Variants in SREK1 observed in about 807,000 individuals in gnomAD.
SREK1 encodes splicing regulatory glutamine/lysine-rich protein 1.
In SREK1, 13 loss-of-function variants were observed where a neutral mutation model predicts 66.5. The ratio of observed to expected loss-of-function variants is 0.20; its 90% confidence interval spans 0.13 to 0.31. The LOEUF is 0.31. SREK1 is among the 10% of genes least tolerant of loss of function. The probability of loss-of-function intolerance (pLI) is 1.00; values close to 1 mark genes in which losing one functional copy is unlikely to be tolerated. For missense variants in SREK1, 607 were observed against 769.6 expected (o/e 0.79, Z 2.50); for synonymous variants, 265 against 263.5 (o/e 1.01, Z -0.05).
intron 1 of SREK1, among the ~76,000 whole-genome samples, chr5:66,151,814 T>G (rs1187840463): frequency 1.3e-5 from 2 of 149,896 alleles, no homozygotes; most frequent in Non-Finnish European, 3.0e-5. Flanking sequence ...AGAAGTGAGT[T>G]GGATGCTAAG....
At chr5:66,147,778 CT>C (rs1352654976) in intron 1 of SREK1, among the ~76,000 whole-genome samples, 1 of 152,154 alleles carries the variant, frequency 6.6e-6, no homozygotes, top group Non-Finnish European at 1.5e-5. Flanking sequence ...CCCTGTAGTC[CT>C]TTTCACATGC....
chr5:66,171,014 G>A (rs911872706), intron 9 of SREK1, 67 bp downstream of exon 9: 36 of 1,530,200 alleles, frequency 2.4e-5, no homozygotes, highest in Admixed American at 1.3e-4. Context: ...AATTTTTTAC[G>A]GAGGGAGAAA....
intron 1 of SREK1, among the ~76,000 whole-genome samples, chr5:66,145,778 T>C (rs187459760): frequency 1.7e-4 from 25 of 147,198 alleles, no homozygotes; most frequent in Non-Finnish European, 2.7e-4. Flanking sequence ...GCTTTTGATC[T>C]AGTATGTAAT....
At chr5:66,166,481 C>A (rs951319715) in intron 7 of SREK1, 1 of 149,382 alleles carries the variant, frequency 6.7e-6, no homozygotes, top group African/African-American at 2.5e-5. Flanking sequence ...CCTTTTTTTT[C>A]CCCCCCCAAG....
In SREK1 at chr5:66,162,682, G is replaced by C; in HGVS notation, c.755+90G>C. The C allele has an allele frequency of 4.8e-6, 6 of 1,256,502 alleles. No homozygotes were observed. The South Asian group carries it at 5.0e-5, about 11-fold the overall frequency. The allele number at this position is 1,256,502 out of a possible 1,614,324, so 77.8% of individuals were successfully genotyped here. ...GAAGGCTTTTTTTTTCTTTTTAATA[G>C]TAATTGGCAATTTGTGGAAAGGAAG... On this transcript the variant is annotated intron_variant, in intron 5 of 11. Transcript: ENST00000334121.
At chr5:66,162,737 GAGATACTT>G in intron 5 of SREK1, 145 bp downstream of exon 5, 1 of 663,640 alleles carries the variant, frequency 1.5e-6, no homozygotes, top group Non-Finnish European at 2.4e-6. Context: ...TGAAATACAT[GAGATACTT>G]ACCATTTTAG....
intron 1 of SREK1, among the ~76,000 whole-genome samples, chr5:66,149,692 C>G (rs1743595543): frequency 1.3e-5 from 2 of 152,202 alleles, no homozygotes. Flanking sequence ...AGATGACTGT[C>G]AGGCTCTTGA....
chr5:66,158,401 A>G (rs1447359597), intron 2 of SREK1: 1 of 153,562 alleles, frequency 6.5e-6, no homozygotes, highest in Non-Finnish European at 1.4e-5. Flanking sequence ...AAAGTTAATA[A>G]GAAGTTTTCT....
At chr5:66,167,060 A>G (rs1319200531) in intron 7 of SREK1, 5 of 152,146 alleles carry the variant, frequency 3.3e-5, no homozygotes, top group Non-Finnish European at 7.3e-5. Context: ...TAGACTTAGC[A>G]TGAGCGTGGG....
chr5:66,154,882 G>C (rs1039864965), intron 2 of SREK1, among the ~76,000 whole-genome samples: 2 of 152,078 alleles, frequency 1.3e-5, no homozygotes, highest in African/African-American at 4.8e-5. Context: ...GCTGGTGAAT[G>C]GTTTCGTTCT....
intron 7 of SREK1, chr5:66,166,949 C>T (rs1225384999): frequency 1.3e-5 from 2 of 152,122 alleles, no homozygotes; most frequent in Non-Finnish European, 2.9e-5. Flanking sequence ...CTGGAAGGAT[C>T]CCACTATCCC....
At chr5:66,150,702 A>T (rs1471231085) in intron 1 of SREK1, among the ~76,000 whole-genome samples, 1 of 152,198 alleles carries the variant, frequency 6.6e-6, no homozygotes, top group Admixed American at 6.5e-5. Flanking sequence ...ATGATGAAAA[A>T]ACTAATGTGA....
At chr5:66,176,004 T>C (rs1167816611) in intron 10 of SREK1, among the ~76,000 whole-genome samples, 1 of 152,190 alleles carries the variant, frequency 6.6e-6, no homozygotes, top group Non-Finnish European at 1.5e-5. Flanking sequence ...TAAAAGGCTT[T>C]TCCTATTCCA....
Position 66,181,173 on chromosome 5 carries a change from A to G in SREK1, c.*2305A>G, listed in dbSNP as rs1746454080. ...AAACACTGATTTGTAAAAACTAAGA[A>G]TGAGTAGGAATACAAGAGATCTGGA... is the stretch of plus-strand genomic sequence containing the variant. On this transcript the variant is annotated 3_prime_UTR_variant, in exon 12 of 12. Transcript: ENST00000334121. 1 of 152,246 alleles carries G rather than the reference A, an allele frequency of 6.6e-6. No individual in the cohort carries two copies. The highest frequency in any genetic ancestry group is 2.4e-5 in the African/African-American group (1 of 41,476). 9.4% of individuals were successfully genotyped at this position (152,246 alleles called of 1,614,324 possible). A position where few individuals can be genotyped will look rare whatever the true frequency, so the allele number is the denominator to read the frequency against.
intron 7 of SREK1, chr5:66,168,656 T>G (rs928086918): frequency 3.9e-5 from 6 of 152,238 alleles, no homozygotes; most frequent in African/African-American, 1.4e-4. Context: ...GGATTACAGG[T>G]GTGAGCCACT....
intron 2 of SREK1, chr5:66,155,981 T>C: frequency 5.2e-6 from 8 of 1,527,968 alleles, no homozygotes; most frequent in Non-Finnish European, 5.3e-6. Flanking sequence ...GTCATAACTT[T>C]ATGTCCACAT....
At chr5:66,144,612 C>A in intron 1 of SREK1, 75 bp downstream of exon 1, 2 of 1,472,454 alleles carry the variant, frequency 1.4e-6, no homozygotes, top group South Asian at 1.4e-5. Context: ...TGGAGGAGAG[C>A]GCGGACGCGG....
intron 1 of SREK1, among the ~76,000 whole-genome samples, chr5:66,149,812 G>C (rs1200238018): frequency 2.0e-5 from 3 of 152,088 alleles, no homozygotes; most frequent in Non-Finnish European, 4.4e-5. Flanking sequence ...TGTTACCCAA[G>C]GTACATCGAG....
chr5:66,151,880 CTG>C (rs1743857099), intron 1 of SREK1, among the ~76,000 whole-genome samples: 1 of 115,498 alleles, frequency 8.7e-6, no homozygotes, highest in African/African-American at 3.3e-5. Flanking sequence ...GAGTCTCGCT[CTG>C]TTGCCTAGGC....
Sources: allele counts gnomAD v4.1 joint callset (sites outside exome capture counted in the v4.1 genomes callset), GRCh38; gene constraint gnomAD v4.1.1; transcripts MANE v1.5; gene names NCBI Gene and HGNC (gene_info 2026-07-23, HGNC 2026-07-21).